Variants in ADAM9 observed in about 807,000 individuals in gnomAD.
ADAM9 encodes the protein disintegrin and metalloproteinase domain-containing protein 9.
Under a neutral mutation model 108.1 loss-of-function variants are expected in ADAM9, and 54 were observed. That is an observed-to-expected ratio of 0.50 (90% confidence interval 0.40 to 0.63). The LOEUF (loss-of-function observed/expected upper bound fraction) is 0.63, where lower values mean the gene tolerates loss of function less well. ADAM9 is among the 20% of genes least tolerant of loss of function. ADAM9 has a pLI of 0.00. For missense variants in ADAM9, 830 were observed against 997.7 expected (o/e 0.83, Z 2.26); for synonymous variants, 316 against 336.0 (o/e 0.94, Z 0.65).
chr8:39,085,735 A>G (rs554205988), intron 18 of ADAM9, among the ~76,000 whole-genome samples: 1 of 152,184 alleles, frequency 6.6e-6, no homozygotes, highest in Non-Finnish European at 1.5e-5. Flanking sequence ...GTCTTTTTCT[A>G]ATCTCTGGTC....
chr8:39,007,894 C>G lies in ADAM9; in HGVS notation c.106C>G (p.Gln36Glu), dbSNP rs1427192957. Residue 36 changes from glutamine to glutamate, a missense_variant, in exon 2 of 22, where the codon CAG becomes GAG. This residue lies in a region of ADAM9 where 211 missense variants were observed against 222.2 expected (regional missense o/e 0.95). Transcript: ENST00000487273. ...VLGAARPGFQ[Q>E]TSHLSSYEII... ...TTTTGCCTTTTCTGTAGGCTTTCAA[C>G]AGACCTCACATCTTTCTTCTTATGA... The G allele has an allele frequency of 6.2e-7, 1 of 1,610,316 alleles. No individual in the cohort carries two copies. The highest frequency in any genetic ancestry group is 8.5e-7 in the Non-Finnish European group (1 of 1,177,682).
At chr8:39,025,956 T>G in intron 10 of ADAM9, 72 bp downstream of exon 10, 19 of 1,376,532 alleles carry the variant, frequency 1.4e-5, no homozygotes, top group Non-Finnish European at 2.0e-5. Flanking sequence ...GACTGTATAC[T>G]TCCTCCCCTG....
rs376525159 is a variant in ADAM9 at position 39,045,098 on chromosome 8, G to A, written c.1302+2981G>A. On this transcript the variant is annotated intron_variant, in intron 12 of 21. Transcript: ENST00000487273. ...TGTGTGTGTGCATACATACATATGT[G>A]TGTGTGCATACATACATATGTGTGT... Among the ~76,000 whole-genome samples the A allele has an allele frequency of 7.5e-3, 252 of 33,412 alleles. 20 individuals are homozygous for A. The highest frequency in any genetic ancestry group is 0.069 in the East Asian group (35 of 506). The allele number at this position is 33,412 out of a possible 152,430, so 21.9% of individuals were successfully genotyped here. A position where few individuals can be genotyped will look rare whatever the true frequency, so the allele number is the denominator to read the frequency against.
intron 12 of ADAM9, among the ~76,000 whole-genome samples, chr8:39,044,920 A>ATATATGTGTGTGCACACATATGTATGTG (rs1837575439): frequency 1.7e-5 from 2 of 120,492 alleles, no homozygotes; most frequent in African/African-American, 7.3e-5. Context: ...ATATGTATGT[A>ATATATGTGTGTGCACACATATGTATGTG]TATATGTGTG....
chr8:39,045,165 T>C (rs543172211), intron 12 of ADAM9, among the ~76,000 whole-genome samples: 1 of 116,694 alleles, frequency 8.6e-6, no homozygotes, highest in Non-Finnish European at 1.9e-5. Flanking sequence ...TATACATACA[T>C]ATATGTGTAT....
At chr8:39,066,527 T>C (rs1197240603) in intron 14 of ADAM9, among the ~76,000 whole-genome samples, 27 of 152,270 alleles carry the variant, frequency 1.8e-4, no homozygotes, top group Admixed American at 1.8e-3. Context: ...TTTTCATGTG[T>C]CTGTTGGCTT....
chr8:39,051,313 A>G (rs902081589), intron 12 of ADAM9, among the ~76,000 whole-genome samples: 17 of 152,114 alleles, frequency 1.1e-4, no homozygotes, highest in African/African-American at 3.9e-4. Context: ...TTGCGGCGAG[A>G]AAGGATCTCC....
chr8:39,101,900 C>T lies in ADAM9; in HGVS notation c.2336C>T (p.Ala779Val), dbSNP rs909215861. The change falls in exon 21 of 22, where the codon GCA (alanine) becomes GTA (valine). Residue 779 changes from alanine to valine, a missense_variant. Coordinates refer to ENST00000487273, the MANE Select transcript of ADAM9 (RefSeq NM_003816.3). Reference protein sequence around the residue: ...YANRFAVPTYAAKQPQQFPSR... With the variant: ...YANRFAVPTYVAKQPQQFPSR... ...AACAGATTTGCAGTACCAACCTATG[C>T]AGCCAAGCAACCTCAGCAGTTCCCA... The T allele has an allele frequency of 6.2e-7, 1 of 1,613,662 alleles. No homozygotes were observed. The highest frequency in any genetic ancestry group is 1.3e-5 in the African/African-American group (1 of 74,852).
chr8:39,051,291 C>T (rs1837950930), intron 12 of ADAM9, among the ~76,000 whole-genome samples: 1 of 152,154 alleles, frequency 6.6e-6, no homozygotes, highest in Non-Finnish European at 1.5e-5. Flanking sequence ...TATGACGCGT[C>T]ATGAGTTGGG....
At position 39,004,584 on chromosome 8, in the gene ADAM9, A is replaced by G. The variant is rs148386783; in HGVS notation, c.98-3302A>G. The stretch of plus-strand genomic sequence containing the variant: ...TTTTTTAAAAAGTGAAAGCATGTTT[A>G]TTAAGAAAGTAAAGGAATAAAAGAA... On this transcript the variant is annotated intron_variant, in intron 1 of 21. Coordinates refer to ENST00000487273, the MANE Select transcript of ADAM9 (RefSeq NM_003816.3). 5.6e-4 allele frequency among the ~76,000 whole-genome samples: 86 copies of G among 152,338 alleles called. 1 individual carries two copies. The highest frequency in any genetic ancestry group is 2.0e-3 in the African/African-American group (83 of 41,576).
At chr8:39,021,105 T>G (rs1836725394) in intron 7 of ADAM9, among the ~76,000 whole-genome samples, 2 of 152,208 alleles carry the variant, frequency 1.3e-5, no homozygotes, top group South Asian at 4.1e-4. Flanking sequence ...TAAAATGAAG[T>G]CTTCAGTGCT....
At position 39,077,471 on chromosome 8, in the gene ADAM9, C is replaced by T. The variant is rs1028995537; in HGVS notation, c.1881+60C>T. 3.3e-5 allele frequency: 48 copies of T among 1,445,792 alleles called. No homozygotes were observed. The East Asian group carries it at 1.0e-3, about 31-fold the overall frequency. The allele number at this position is 1,445,792 out of a possible 1,614,324, so 89.6% of individuals were successfully genotyped here. On this transcript the variant is annotated intron_variant, in intron 16 of 21. Coordinates refer to ENST00000487273, the MANE Select transcript of ADAM9 (RefSeq NM_003816.3). ...GAAAAAAATTAAAAAAATTATTATACATAGTAAGTGGTTGCTCTTTTCTGA... is the reference window on the plus strand; with the variant it reads ...GAAAAAAATTAAAAAAATTATTATATATAGTAAGTGGTTGCTCTTTTCTGA...
chr8:39,080,185 C>CA (rs34236411), intron 16 of ADAM9, among the ~76,000 whole-genome samples: 121,356 of 151,332 alleles, frequency 0.8, 48,943 homozygotes, highest in East Asian at 0.94. Flanking sequence ...TACTTAATAA[C>CA]AAAAAAATGA....
At chr8:39,067,232 T>A (rs1207394334) in intron 14 of ADAM9, among the ~76,000 whole-genome samples, 2 of 152,188 alleles carry the variant, frequency 1.3e-5, no homozygotes, top group East Asian at 1.9e-4. Context: ...CTTGGCAATG[T>A]GGGCTCTTTT....
rs746353422 is a variant in ADAM9 at position 39,020,286 on chromosome 8, GTTC to G, written c.673-1350_673-1348del. Reference sequence around the variant, plus strand: ...AAACAAAACAAAACACACACAAAATGTTCTTCTTCATTGCTGTCTCCAGATGTA... The same window carrying G: ...AAACAAAACAAAACACACACAAAATGTTCTTCATTGCTGTCTCCAGATGTA... On this transcript the variant is annotated intron_variant, in intron 7 of 21. Transcript: ENST00000487273. Among the ~76,000 whole-genome samples the G allele has an allele frequency of 9.1e-4, 139 of 152,008 alleles. 1 individual carries two copies. In the Middle Eastern group the frequency reaches 0.014, roughly 15 times the overall value.
At chr8:39,025,343 C>T (rs1253684419) in intron 9 of ADAM9, among the ~76,000 whole-genome samples, 1 of 152,020 alleles carries the variant, frequency 6.6e-6, no homozygotes. Context: ...GTGATCTGCC[C>T]ACCTCGGCCT....
chr8:39,030,744 A>G (rs1047390821), intron 11 of ADAM9, among the ~76,000 whole-genome samples: 6 of 152,194 alleles, frequency 3.9e-5, no homozygotes, highest in African/African-American at 1.2e-4. Context: ...GTTGCTCTAC[A>G]TCTTTGTCAG....
chr8:39,038,303 A>G (rs1489691065), intron 11 of ADAM9, among the ~76,000 whole-genome samples: 1 of 152,102 alleles, frequency 6.6e-6, no homozygotes, highest in Non-Finnish European at 1.5e-5. Flanking sequence ...GTCTTTGCTG[A>G]CTGTATCTCT....
intron 5 of ADAM9, 146 bp downstream of exon 5, chr8:39,016,340 T>G: frequency 1.4e-6 from 1 of 739,778 alleles, no homozygotes; most frequent in Non-Finnish European, 2.4e-6. Flanking sequence ...CAGCTGTGTT[T>G]CAGATATCCT....
Sources: gnomAD v4.1 joint callset for allele counts (sites outside exome capture counted in the v4.1 genomes callset) on GRCh38, gnomAD v4.1.1 for gene constraint, gnomAD v4.1.1 regional missense constraint, MANE v1.5 for transcripts, NCBI Gene and HGNC (gene_info 2026-07-23, HGNC 2026-07-21) for gene names.